The following PCDH15 variants were observed in gnomAD, a reference collection of about 807,000 sequenced individuals.
The protein encoded by PCDH15 is protocadherin-15.
In PCDH15, 129 loss-of-function variants were observed where a neutral mutation model predicts 178.5. The observed-to-expected ratio is 0.72, with a 90% CI of 0.63 to 0.84. PCDH15 has a LOEUF of 0.84. Among genes scored for constraint, PCDH15 ranks in the 40% least tolerant of loss-of-function variants. PCDH15 has a pLI of 0.00. For missense variants in PCDH15, 2,230 were observed against 2,099.9 expected (o/e 1.06, Z -1.21); for synonymous variants, 800 against 732.0 (o/e 1.09, Z -1.50).
intron 2 of PCDH15, among the ~76,000 whole-genome samples, chr10:55,428,191 T>C (rs1033144806): frequency 3.9e-5 from 6 of 152,032 alleles, no homozygotes; most frequent in African/African-American, 1.2e-4. Flanking sequence ...AATATATTAA[T>C]GTGTTGTTAA....
At chr10:55,118,915 A>G (rs1012159048) in intron 2 of PCDH15, among the ~76,000 whole-genome samples, 6 of 152,140 alleles carry the variant, frequency 3.9e-5, no homozygotes, top group African/African-American at 1.4e-4. Flanking sequence ...CTTGACTATC[A>G]ACCTACTGTG....
At position 53,970,978 on chromosome 10, in the gene PCDH15, A is replaced by G. The variant is rs1328583625; in HGVS notation, c.2869-9086T>C. ...TCCTGATACTAAAGCTGGCAGAGACACAACAAAAAAAGAGAATTTAAACCA... is the reference window on the plus strand; with the variant it reads ...TCCTGATACTAAAGCTGGCAGAGACGCAACAAAAAAAGAGAATTTAAACCA... On this transcript the variant is annotated intron_variant, in intron 21 of 37. Coordinates refer to ENST00000644397, the MANE Select transcript of PCDH15 (RefSeq NM_001384140.1). Among the ~76,000 whole-genome samples the G allele has an allele frequency of 3.3e-5, 5 of 152,166 alleles. No individual in the cohort carries two copies. In the South Asian group the frequency reaches 1.0e-3, roughly 32 times the overall value.
chr10:55,608,859 G>T (rs904788170), intron 2 of PCDH15, among the ~76,000 whole-genome samples: 5 of 152,080 alleles, frequency 3.3e-5, no homozygotes, highest in Non-Finnish European at 5.9e-5. Context: ...TCTGGTTTCA[G>T]TTCTTTGATA....
chr10:54,542,825 T>C (rs1023761062), intron 2 of PCDH15, among the ~76,000 whole-genome samples: 1 of 152,176 alleles, frequency 6.6e-6, no homozygotes, highest in Non-Finnish European at 1.5e-5. Context: ...CTGGCGCTCC[T>C]GCTTTTGTGC....
intron 2 of PCDH15, among the ~76,000 whole-genome samples, chr10:54,952,201 T>C (rs1290123834): frequency 1.3e-5 from 2 of 151,884 alleles, no homozygotes; most frequent in African/African-American, 4.8e-5. Flanking sequence ...GAAAAGTCTG[T>C]GTCTAGATTA....
chr10:54,640,891 G>GA (rs2093972343), intron 2 of PCDH15, among the ~76,000 whole-genome samples: 1 of 152,076 alleles, frequency 6.6e-6, no homozygotes, highest in Non-Finnish European at 1.5e-5. Flanking sequence ...ATCACTTGAG[G>GA]TCAGGAGTTG....
At position 55,196,486 on chromosome 10, in the gene PCDH15, T is replaced by G. The variant is rs577852010; in HGVS notation, c.-155-29835A>C. 2.0e-5 allele frequency among the ~76,000 whole-genome samples: 3 copies of G among 152,112 alleles called. No homozygotes were observed. The East Asian group carries it at 5.8e-4, about 29-fold the overall frequency. On this transcript the variant is annotated intron_variant, in intron 1 of 5. Coordinates refer to the PCDH15 transcript ENST00000458638. Reference sequence around the variant, plus strand: ...TTATGTCTAATGCCTTCAAGTTAGTTCATGGCCTAATGAATTCTCTCTGAA... The same window carrying G: ...TTATGTCTAATGCCTTCAAGTTAGTGCATGGCCTAATGAATTCTCTCTGAA...
chr10:53,849,639 C>T (rs1482584014), intron 28 of PCDH15, among the ~76,000 whole-genome samples: 1 of 151,690 alleles, frequency 6.6e-6, no homozygotes, highest in Non-Finnish European at 1.5e-5. Context: ...CTGAGGCAGG[C>T]GGATCACAAG....
intron 2 of PCDH15, among the ~76,000 whole-genome samples, chr10:55,022,344 C>T (rs537342376): frequency 3.2e-4 from 48 of 149,136 alleles, no homozygotes; most frequent in African/African-American, 1.1e-3. Context: ...CCCAGTTAAT[C>T]GGGAGGCAGA....
chr10:54,098,351 A>T (rs2136126416), intron 15 of PCDH15, among the ~76,000 whole-genome samples: 1 of 152,222 alleles, frequency 6.6e-6, no homozygotes, highest in South Asian at 2.1e-4. Flanking sequence ...ATTTATAATT[A>T]TTAAAAAATT....
intron 1 of PCDH15, among the ~76,000 whole-genome samples, chr10:54,679,559 C>T (rs2094862075): frequency 6.6e-6 from 1 of 152,102 alleles, no homozygotes; most frequent in Non-Finnish European, 1.5e-5. Context: ...TAAGCTATTC[C>T]AACTGACATA....
chr10:54,929,653 G>A (rs546816441), intron 2 of PCDH15, among the ~76,000 whole-genome samples: 18 of 152,228 alleles, frequency 1.2e-4, no homozygotes, highest in African/African-American at 4.3e-4. Context: ...ACAACTGACA[G>A]AAAATAATTA....
At chr10:55,388,087 G>T (rs746485599) in intron 2 of PCDH15, among the ~76,000 whole-genome samples, 2 of 151,932 alleles carry the variant, frequency 1.3e-5, no homozygotes, top group Non-Finnish European at 2.9e-5. Flanking sequence ...GAAAAATAGT[G>T]GTCTGCGGAA....
intron 15 of PCDH15, among the ~76,000 whole-genome samples, chr10:54,113,874 C>T (rs987967327): frequency 6.6e-6 from 1 of 152,058 alleles, no homozygotes; most frequent in African/African-American, 2.4e-5. Flanking sequence ...CTATGGAGGC[C>T]TCACAATCAT....
chr10:55,138,951 T>C (rs1056474353), intron 2 of PCDH15, among the ~76,000 whole-genome samples: 1 of 152,182 alleles, frequency 6.6e-6, no homozygotes, highest in Non-Finnish European at 1.5e-5. Flanking sequence ...AATTTGTTAC[T>C]ATTTACTGCA....
At chr10:54,401,643 G>A (rs78754319) in intron 3 of PCDH15, among the ~76,000 whole-genome samples, 2,780 of 151,724 alleles carry the variant, frequency 0.018, 93 homozygotes, top group African/African-American at 0.064. Flanking sequence ...CTAAACAAAG[G>A]TATAATCTAT....
rs555152838 is a variant in PCDH15, at chr10:54,481,344, A to G, written c.157+46468T>C. Among the ~76,000 whole-genome samples, 68 of 151,972 alleles carry G rather than the reference A, an allele frequency of 4.5e-4. 1 individual carries two copies. In the South Asian group the frequency reaches 0.011, roughly 24 times the overall value. On this transcript the variant is annotated intron_variant, in intron 3 of 37. Coordinates refer to ENST00000644397, the MANE Select transcript of PCDH15 (RefSeq NM_001384140.1). ...CATATTAAATTATAAGAAATTTAAT[A>G]ATCAATAATAAGTATTTGGCTGGGT...
In PCDH15 at chr10:55,388,266, G is replaced by C. The variant is rs143978050; in HGVS notation, c.-155-221615C>G. On this transcript the variant is annotated intron_variant, in intron 2 of 5. Coordinates refer to the PCDH15 transcript ENST00000613346. ...ATATGTTTAACATTATTTTTAACCAGGATTGCCTACTGGATTCTTCATTGG... is the reference window on the plus strand; with the variant it reads ...ATATGTTTAACATTATTTTTAACCACGATTGCCTACTGGATTCTTCATTGG... Among the ~76,000 whole-genome samples the C allele has an allele frequency of 3.3e-3, 504 of 152,010 alleles. 2 individuals carry two copies. The highest frequency in any genetic ancestry group is 9.8e-3 in the African/African-American group (408 of 41,478).
At chr10:54,525,795 A>G (rs1221278584) in intron 3 of PCDH15, among the ~76,000 whole-genome samples, 1 of 152,228 alleles carries the variant, frequency 6.6e-6, no homozygotes, top group Non-Finnish European at 1.5e-5. Flanking sequence ...TTGATTGCCT[A>G]AAGAAAAATA....
Sources: allele counts gnomAD v4.1 joint callset (sites outside exome capture counted in the v4.1 genomes callset), GRCh38; gene constraint gnomAD v4.1.1; transcripts MANE v1.5; gene names NCBI Gene and HGNC (gene_info 2026-07-23, HGNC 2026-07-21).